The following CDH10 variants were observed in gnomAD, a reference collection of about 807,000 sequenced individuals.
CDH10 encodes cadherin 10.
Under a neutral mutation model 73.1 loss-of-function variants are expected in CDH10, and 30 were observed. That is an observed-to-expected ratio of 0.41 (90% CI 0.31 to 0.56). The LOEUF is 0.56. Among genes scored for constraint, CDH10 ranks in the 20% least tolerant of loss-of-function variants. The pLI is 0.27. For missense variants in CDH10, 815 were observed against 973.7 expected (o/e 0.84, Z 2.17); for synonymous variants, 345 against 348.2 (o/e 0.99, Z 0.10).
intron 7 of CDH10, among the ~76,000 whole-genome samples, chr5:24,506,045 G>A (rs531381892): frequency 9.9e-5 from 15 of 151,792 alleles, no homozygotes; most frequent in East Asian, 1.9e-4. Flanking sequence ...ACCCAGAGGC[G>A]GAGGTTGCAG....
chr5:24,623,147 G>C (rs1221781472), intron 1 of CDH10, among the ~76,000 whole-genome samples: 4 of 152,158 alleles, frequency 2.6e-5, no homozygotes, highest in Non-Finnish European at 5.9e-5. Context: ...AGAGCTACTG[G>C]ATCAGAGCAG....
chr5:24,554,597 C>A (rs1320095890), intron 2 of CDH10, among the ~76,000 whole-genome samples: 1 of 151,454 alleles, frequency 6.6e-6, no homozygotes, highest in Admixed American at 6.6e-5. Context: ...TCCTATGATC[C>A]TAATATTTTT....
At chr5:24,600,458 A>T (rs1746518262) in intron 1 of CDH10, among the ~76,000 whole-genome samples, 1 of 152,170 alleles carries the variant, frequency 6.6e-6, no homozygotes, top group South Asian at 2.1e-4. Flanking sequence ...AACAAAATTG[A>T]AGTGGTTCTC....
intron 2 of CDH10, among the ~76,000 whole-genome samples, chr5:24,580,838 G>C (rs1745773619): frequency 6.6e-6 from 1 of 152,170 alleles, no homozygotes. Context: ...TTTTCCAGCT[G>C]TCTGCATTCT....
intron 5 of CDH10, among the ~76,000 whole-genome samples, chr5:24,520,554 G>A (rs775171484): frequency 2.1e-4 from 32 of 152,016 alleles, no homozygotes; most frequent in Admixed American, 4.6e-4. Context: ...ACTATCACAC[G>A]GTAATTAACT....
chr5:24,535,095 CA>C lies in CDH10; in HGVS notation c.814+16del. Reference sequence around the variant, plus strand: ...TAAATCTTTTGCCCGGCAGAATGACCATTAAAGGGTGCTTACTCTGGGGGAA... The same window carrying C: ...TAAATCTTTTGCCCGGCAGAATGACCTTAAAGGGTGCTTACTCTGGGGGAA... On this transcript the variant is annotated intron_variant, in intron 5 of 11. Transcript: ENST00000264463. The C allele has an allele frequency of 6.4e-7, 1 of 1,572,910 alleles. No homozygotes were observed. Among genetic ancestry groups the C allele is most frequent in the Non-Finnish European group, 8.6e-7 (1 of 1,165,180 alleles).
chr5:24,581,193 C>T (rs895181245), intron 2 of CDH10, among the ~76,000 whole-genome samples: 2 of 152,142 alleles, frequency 1.3e-5, no homozygotes, highest in African/African-American at 4.8e-5. Flanking sequence ...CTACCACTTT[C>T]CTCTTGCTTC....
intron 1 of CDH10, among the ~76,000 whole-genome samples, chr5:24,620,864 A>G (rs1373927314): frequency 6.6e-6 from 1 of 152,214 alleles, no homozygotes; most frequent in African/African-American, 2.4e-5. Flanking sequence ...GCAGCAATCA[A>G]TTTAGCTGAC....
intron 5 of CDH10, among the ~76,000 whole-genome samples, chr5:24,521,618 A>G (rs980801031): frequency 6.6e-6 from 1 of 152,116 alleles, no homozygotes; most frequent in African/African-American, 2.4e-5. Context: ...GTCTCAAAAA[A>G]AAGAAAAAAA....
intron 1 of CDH10, among the ~76,000 whole-genome samples, chr5:24,614,946 T>C (rs550695018): frequency 1.5e-4 from 23 of 152,282 alleles, no homozygotes; most frequent in East Asian, 3.9e-4. Flanking sequence ...GTTTTACCCA[T>C]TGTGCCATCT....
intron 4 of CDH10, 117 bp from the exon 5 acceptor site, chr5:24,535,396 C>T: frequency 3.2e-6 from 3 of 930,964 alleles, no homozygotes; most frequent in South Asian, 1.5e-5. Flanking sequence ...CGTTTTGATA[C>T]TCGTTTTTAT....
chr5:24,490,118 C>T (rs1299317701), intron 11 of CDH10, among the ~76,000 whole-genome samples: 1 of 152,100 alleles, frequency 6.6e-6, no homozygotes, highest in Non-Finnish European at 1.5e-5. Flanking sequence ...TAAAAACTTA[C>T]TACCATTAAT....
intron 5 of CDH10, among the ~76,000 whole-genome samples, chr5:24,525,798 G>A (rs1381347894): frequency 6.6e-6 from 1 of 152,058 alleles, no homozygotes; most frequent in Non-Finnish European, 1.5e-5. Flanking sequence ...GCTGTACCAT[G>A]TCTTAGTTTC....
chr5:24,492,731 T>C (rs1367423234), intron 10 of CDH10, 86 bp downstream of exon 10: 2 of 645,040 alleles, frequency 3.1e-6, no homozygotes, highest in African/African-American at 1.8e-5. Flanking sequence ...AATAAATTGA[T>C]ATGGCATATA....
intron 2 of CDH10, among the ~76,000 whole-genome samples, chr5:24,538,421 C>T (rs1744036394): frequency 6.6e-6 from 1 of 152,092 alleles, no homozygotes; most frequent in South Asian, 2.1e-4. Context: ...CTGTGTCTTG[C>T]TTCTTTTCCT....
chr5:24,580,222 G>C (rs1366868126), intron 2 of CDH10, among the ~76,000 whole-genome samples: 1 of 151,918 alleles, frequency 6.6e-6, no homozygotes, highest in Non-Finnish European at 1.5e-5. Context: ...ATGGGGGTTT[G>C]TTATACAGAT....
At chr5:24,512,635 G>T (rs1454134040) in intron 5 of CDH10, among the ~76,000 whole-genome samples, 1 of 152,112 alleles carries the variant, frequency 6.6e-6, no homozygotes, top group Non-Finnish European at 1.5e-5. Flanking sequence ...TCATTCCAGA[G>T]AAACACAAAA....
chr5:24,524,628 T>C (rs1743458687), intron 5 of CDH10, among the ~76,000 whole-genome samples: 1 of 152,134 alleles, frequency 6.6e-6, no homozygotes, highest in South Asian at 2.1e-4. Context: ...TTTAGGCAGA[T>C]AAATATTTCT....
chr5:24,551,302 T>A (rs1044654352), intron 2 of CDH10, among the ~76,000 whole-genome samples: 1 of 152,192 alleles, frequency 6.6e-6, no homozygotes, highest in African/African-American at 2.4e-5. Context: ...TTATTCCCTC[T>A]TGTTTCACTT....
Sources: allele counts gnomAD v4.1 joint callset (sites outside exome capture counted in the v4.1 genomes callset), GRCh38; gene constraint gnomAD v4.1.1; transcripts MANE v1.5; gene names NCBI Gene and HGNC (gene_info 2026-07-23, HGNC 2026-07-21).